The following GOLIM4 variants were observed in gnomAD, a reference collection of about 807,000 sequenced individuals.
GOLIM4 encodes the protein golgi integral membrane protein 4.
GOLIM4 carries 71 observed loss-of-function variants against 107.4 expected under a neutral mutation model. That is an observed-to-expected ratio of 0.66 (90% CI 0.55 to 0.81). The LOEUF is 0.81. Among genes scored for constraint, GOLIM4 ranks in the 30% least tolerant of loss-of-function variants. The pLI, the probability that GOLIM4 is intolerant of heterozygous loss-of-function variation, is 0.00. For missense variants in GOLIM4, 830 were observed against 826.1 expected, an observed-to-expected ratio of 1.00 and a Z score of -0.06; for synonymous variants, 327 against 294.8, an observed-to-expected ratio of 1.11 and a Z score of -1.12.
chr3:168,022,344 A>C (rs6802242), intron 14 of GOLIM4, among the ~76,000 whole-genome samples: 9,458 of 152,076 alleles, frequency 0.062, 324 homozygotes, highest in African/African-American at 0.082. Context: ...AAAAAAAAAA[A>C]AACAACAACA....
intron 15 of GOLIM4, 140 bp from the exon 16 acceptor site, chr3:168,010,558 G>GC: frequency 1.3e-6 from 1 of 749,532 alleles, no homozygotes; most frequent in Non-Finnish European, 2.2e-6. Flanking sequence ...CAACAGTGCT[G>GC]CTGTCTCTCC....
Position 168,025,057 on chromosome 3 carries a change from A to G in GOLIM4, c.1662T>C (p.Pro554=). 6.2e-7 allele frequency: 1 copy of G among 1,613,910 alleles called. No individual in the cohort carries two copies. The highest frequency in any genetic ancestry group is 1.1e-5 in the South Asian group (1 of 91,066). Residue 554 remains proline (P), a synonymous_variant, in exon 13 of 16, where the codon CCT becomes CCC. Transcript: ENST00000470487. ...AVEDINPADD[P]NNQGEDEFEE... ...CAAATTCATCCTCACCTTGATTATT[A>G]GGGTCATCTGCTGGGTTTATATCTT...
At position 168,033,464 on chromosome 3, in the gene GOLIM4, G is replaced by A. The variant is rs372131062; in HGVS notation, c.844-612C>T. ...ACTAAAAAAACACAAAAAATTAGCC[G>A]GGCGTGGTGGCGGGCGCCTGTAGTC... On this transcript the variant is annotated intron_variant, in intron 8 of 15. Coordinates refer to ENST00000470487, the MANE Select transcript of GOLIM4 (RefSeq NM_014498.5). 2.2e-3 allele frequency among the ~76,000 whole-genome samples: 329 copies of A among 151,480 alleles called. 2 individuals carry two copies. Among genetic ancestry groups the A allele is most frequent in the African/African-American group, 7.6e-3 (313 of 41,320 alleles).
chr3:168,070,427 A>C (rs773096882), intron 1 of GOLIM4, among the ~76,000 whole-genome samples: 3 of 152,148 alleles, frequency 2.0e-5, no homozygotes, highest in Non-Finnish European at 2.9e-5. Flanking sequence ...AAAAATCCAA[A>C]TTTTATAGAC....
At chr3:168,036,271 T>C (rs976667483) in intron 8 of GOLIM4, among the ~76,000 whole-genome samples, 1 of 152,258 alleles carries the variant, frequency 6.6e-6, no homozygotes, top group African/African-American at 2.4e-5. Context: ...CCAGGTGTGG[T>C]GGCTCACGCC....
Position 168,095,296 on chromosome 3 carries a change from G to C in GOLIM4, c.-11C>G. On this transcript the variant is annotated 5_prime_UTR_variant, in exon 1 of 16. Coordinates refer to ENST00000470487, the MANE Select transcript of GOLIM4 (RefSeq NM_014498.5). ...CATCCCGTTTCCCATAGTCCCGCCT[G>C]GACCCAAAGCCGCGGCCGCCCCCGC... 6.2e-7 allele frequency: 1 copy of C among 1,609,918 alleles called. No individual in the cohort carries two copies. Among genetic ancestry groups the C allele is most frequent in the African/African-American group, 1.3e-5 (1 of 74,940 alleles).
At chr3:168,016,908 G>T (rs1388398737) in intron 14 of GOLIM4, among the ~76,000 whole-genome samples, 1 of 135,878 alleles carries the variant, frequency 7.4e-6, no homozygotes, top group East Asian at 2.0e-4. Flanking sequence ...GGAGGGAGGG[G>T]CGAGGGATAG....
chr3:168,071,315 A>T (rs1010496073), intron 1 of GOLIM4, among the ~76,000 whole-genome samples: 4 of 152,186 alleles, frequency 2.6e-5, no homozygotes, highest in Admixed American at 2.0e-4. Context: ...TTAAATCCAT[A>T]ATGTTAAATT....
rs150968925 is a variant in GOLIM4 at position 168,051,585 on chromosome 3, G to A, written c.188-3220C>T. Among the ~76,000 whole-genome samples, 488 of 152,204 alleles carry A rather than the reference G, an allele frequency of 3.2e-3. 1 individual carries two copies. The highest frequency in any genetic ancestry group is 0.013 in the Admixed American group (192 of 15,290). On this transcript the variant is annotated intron_variant, in intron 1 of 15. Coordinates refer to ENST00000470487, the MANE Select transcript of GOLIM4 (RefSeq NM_014498.5). ...GGCATCATAATAGCAAACTGTTAAC[G>A]CAAGAAGAATGTATTTTTGCAAATA... is the stretch of plus-strand genomic sequence containing the variant.
intron 1 of GOLIM4, among the ~76,000 whole-genome samples, chr3:168,085,922 T>C (rs1022827202): frequency 3.3e-5 from 5 of 152,092 alleles, no homozygotes; most frequent in Non-Finnish European, 7.4e-5. Context: ...GTTTCACAGA[T>C]CTACAGATAA....
Position 168,029,362 on chromosome 3 carries a change from A to G in GOLIM4, c.1434-60T>C, listed in dbSNP as rs73878615. On this transcript the variant is annotated intron_variant, in intron 10 of 15. Transcript: ENST00000470487. ...ACAAAATTCAGAGGCACAGTTTGACATAGGTCATTTATCTTTAAAGACAGT... is the reference window on the plus strand; with the variant it reads ...ACAAAATTCAGAGGCACAGTTTGACGTAGGTCATTTATCTTTAAAGACAGT... The G allele has an allele frequency of 4.1e-4, 429 of 1,037,636 alleles. 2 individuals carry two copies. The African/African-American group carries it at 6.1e-3, about 15-fold the overall frequency. The allele number at this position is 1,037,636 out of a possible 1,614,324, so 64.3% of individuals were successfully genotyped here.
Position 168,095,306 on chromosome 3 carries a change from C to G in GOLIM4, c.-21G>C. ...CCCATAGTCCCGCCTGGACCCAAAG[C>G]CGCGGCCGCCCCCGCCGTCTCCTCC... On this transcript the variant is annotated 5_prime_UTR_variant, in exon 1 of 16. Transcript: ENST00000470487. 1 of 1,603,526 alleles carries G rather than the reference C, an allele frequency of 6.2e-7. No homozygotes were observed. The highest frequency in any genetic ancestry group is 8.5e-7 in the Non-Finnish European group (1 of 1,175,648).
rs11411251 is a variant in GOLIM4 at position 168,030,510 on chromosome 3, CAAA to C, written c.1177-477_1177-475del. ...ATACCAATCCCAGGCTAAGCATAGCCAAAAAAAAAAAAAAAAAAAGCCACATTC... is the reference window on the plus strand; with the variant it reads ...ATACCAATCCCAGGCTAAGCATAGCCAAAAAAAAAAAAAAAAGCCACATTC... On this transcript the variant is annotated intron_variant, in intron 9 of 15. Coordinates refer to ENST00000470487, the MANE Select transcript of GOLIM4 (RefSeq NM_014498.5). Among the ~76,000 whole-genome samples, 559 of 102,404 alleles carry C rather than the reference CAAA, an allele frequency of 5.5e-3. 3 individuals carry two copies. Among genetic ancestry groups the C allele is most frequent in the Non-Finnish European group, 7.6e-3 (386 of 50,942 alleles). 67.2% of individuals were successfully genotyped at this position (102,404 alleles called of 152,430 possible).
Position 168,016,786 on chromosome 3 carries a change from G to A in GOLIM4, c.1861-5963C>T, listed in dbSNP as rs1157388352. On this transcript the variant is annotated intron_variant, in intron 14 of 15. Coordinates refer to ENST00000470487, the MANE Select transcript of GOLIM4 (RefSeq NM_014498.5). Reference sequence around the variant, plus strand: ...AAAACATCATTCTCAGTAAACTATCGCAAGAACAAAAAACCAAACACCGCA... The same window carrying A: ...AAAACATCATTCTCAGTAAACTATCACAAGAACAAAAAACCAAACACCGCA... Among the ~76,000 whole-genome samples, 69 of 139,206 alleles carry A rather than the reference G, an allele frequency of 5.0e-4. No homozygotes were observed. The South Asian group carries it at 6.1e-3, about 12-fold the overall frequency. 91.3% of individuals were successfully genotyped at this position (139,206 alleles called of 152,430 possible).
At chr3:168,046,313 A>T (rs924177730) in intron 3 of GOLIM4, among the ~76,000 whole-genome samples, 7 of 151,886 alleles carry the variant, frequency 4.6e-5, no homozygotes, top group Admixed American at 4.6e-4. Context: ...TTTAATTTTT[A>T]TTTTTTTATT....
chr3:168,045,915 C>A (rs560038905), intron 3 of GOLIM4, among the ~76,000 whole-genome samples: 1 of 152,164 alleles, frequency 6.6e-6, no homozygotes, highest in East Asian at 1.9e-4. Flanking sequence ...TAGGGTCTGC[C>A]CTGTTGTCCA....
intron 14 of GOLIM4, among the ~76,000 whole-genome samples, chr3:168,018,743 A>AT (rs1248363172): frequency 6.6e-6 from 1 of 152,180 alleles, no homozygotes; most frequent in Non-Finnish European, 1.5e-5. Flanking sequence ...GTCCCTGTCA[A>AT]TTTTGATTAA....
In GOLIM4 at chr3:168,009,618, A is replaced by AT. The variant is rs1203761433; in HGVS notation, c.*650dup. The AT allele has an allele frequency of 2.0e-5, 3 of 152,134 alleles. No individual in the cohort carries two copies. The highest frequency in any genetic ancestry group is 7.2e-5 in the African/African-American group (3 of 41,436). 9.4% of individuals were successfully genotyped at this position (152,134 alleles called of 1,614,324 possible). On this transcript the variant is annotated 3_prime_UTR_variant, in exon 16 of 16. Coordinates refer to ENST00000470487, the MANE Select transcript of GOLIM4 (RefSeq NM_014498.5). Reference sequence around the variant, plus strand: ...GCCACATGAGTTTTAATACTCTCTCATTTTTAAATTCAATTCCTCTTAAAC... The same window carrying AT: ...GCCACATGAGTTTTAATACTCTCTCATTTTTTAAATTCAATTCCTCTTAAAC...
intron 1 of GOLIM4, among the ~76,000 whole-genome samples, chr3:168,074,647 C>T (rs1312039173): frequency 6.6e-6 from 1 of 152,004 alleles, no homozygotes; most frequent in East Asian, 1.9e-4. Flanking sequence ...TTGTAACCTA[C>T]TGGGCTACTA....
Sources: allele counts gnomAD v4.1 joint callset (sites outside exome capture counted in the v4.1 genomes callset), GRCh38; gene constraint gnomAD v4.1.1; transcripts MANE v1.5; gene names NCBI Gene and HGNC (gene_info 2026-07-23, HGNC 2026-07-21).